Variants in AUTS2 observed in about 807,000 individuals in gnomAD.
AUTS2 encodes activator of transcription and developmental regulator AUTS2, also known as autism susceptibility gene 2 protein.
Under a neutral mutation model 112.4 loss-of-function variants are expected in AUTS2, and 17 were observed. That is an observed-to-expected ratio of 0.15 (90% confidence interval 0.10 to 0.23). The LOEUF (loss-of-function observed/expected upper bound fraction) is 0.23, where lower values mean the gene tolerates loss of function less well. Among genes scored for constraint, AUTS2 ranks in the 10% least tolerant of loss-of-function variants. The pLI is 1.00. For synonymous variants in AUTS2, 751 were observed against 702.7 expected (o/e 1.07, Z -1.09); for missense variants, 1,510 against 1,701.6 (o/e 0.89, Z 1.98).
At chr7:70,070,533 T>C (rs1257507059) in intron 2 of AUTS2, among the ~76,000 whole-genome samples, 1 of 144,770 alleles carries the variant, frequency 6.9e-6, no homozygotes, top group Non-Finnish European at 1.5e-5. Flanking sequence ...GAGCAGAGAT[T>C]GCGCCACTGC....
intron 2 of AUTS2, among the ~76,000 whole-genome samples, chr7:70,049,152 A>G (rs535950429): frequency 2.8e-4 from 42 of 152,292 alleles, no homozygotes; most frequent in Admixed American, 7.8e-4. Context: ...TGCATTATTT[A>G]ACCAGTTCCT....
intron 2 of AUTS2, among the ~76,000 whole-genome samples, chr7:70,004,356 T>A (rs1376982672): frequency 7.4e-6 from 1 of 134,678 alleles, no homozygotes; most frequent in African/African-American, 2.8e-5. Flanking sequence ...CATATATATA[T>A]TATGTATGAA....
intron 5 of AUTS2, among the ~76,000 whole-genome samples, chr7:70,480,472 A>G (rs1016418975): frequency 2.6e-4 from 39 of 152,230 alleles, no homozygotes; most frequent in African/African-American, 9.4e-4. Flanking sequence ...CTTAAGGCTC[A>G]TTCATTCCCA....
intron 13 of AUTS2, 64 bp from the exon 14 acceptor site, chr7:70,777,039 G>C (rs1790749539): frequency 5.9e-6 from 9 of 1,518,362 alleles, no homozygotes; most frequent in Non-Finnish European, 8.2e-6. Context: ...AAGCTTTGGG[G>C]AAATTGAAGG....
intron 4 of AUTS2, among the ~76,000 whole-genome samples, chr7:70,429,258 C>G (rs1460067152): frequency 6.6e-6 from 1 of 152,128 alleles, no homozygotes; most frequent in Non-Finnish European, 1.5e-5. Flanking sequence ...CTATTGTGTC[C>G]CAAGGCCTAG....
At chr7:70,701,192 T>G (rs960027277) in intron 6 of AUTS2, among the ~76,000 whole-genome samples, 1 of 152,162 alleles carries the variant, frequency 6.6e-6, no homozygotes, top group Non-Finnish European at 1.5e-5. Flanking sequence ...GCAGATTTGG[T>G]CCATAAAATT....
At chr7:69,681,261 A>G (rs1374312846) in intron 1 of AUTS2, among the ~76,000 whole-genome samples, 2 of 152,342 alleles carry the variant, frequency 1.3e-5, no homozygotes, top group Non-Finnish European at 2.9e-5. Context: ...CTTCTTCTGC[A>G]TATGTACCTG....
chr7:69,894,696 T>A (rs1361111185), intron 1 of AUTS2, among the ~76,000 whole-genome samples: 1 of 152,090 alleles, frequency 6.6e-6, no homozygotes, highest in Admixed American at 6.6e-5. Context: ...CCATCTCAGG[T>A]GTTTCTGGTG....
At chr7:70,677,849 C>T (rs886489749) in intron 5 of AUTS2, among the ~76,000 whole-genome samples, 3 of 151,784 alleles carry the variant, frequency 2.0e-5, no homozygotes, top group Non-Finnish European at 4.4e-5. Context: ...TTTGGGAGGC[C>T]GAGGCGGGTG....
chr7:69,681,105 A>G (rs1351319888), intron 1 of AUTS2, among the ~76,000 whole-genome samples: 4 of 152,246 alleles, frequency 2.6e-5, no homozygotes, highest in Admixed American at 6.5e-5. Context: ...TTAAGACTGA[A>G]TACTGTTCCA....
chr7:70,526,190 A>G (rs995033824), intron 5 of AUTS2, among the ~76,000 whole-genome samples: 6 of 152,138 alleles, frequency 3.9e-5, no homozygotes, highest in South Asian at 4.1e-4. Context: ...TCAGATCCCA[A>G]ATTCTCTCTG....
intron 2 of AUTS2, among the ~76,000 whole-genome samples, chr7:70,076,366 G>T (rs1803034673): frequency 6.6e-6 from 1 of 152,112 alleles, no homozygotes; most frequent in South Asian, 2.1e-4. Context: ...GATATATAAT[G>T]AAACTAATCT....
intron 5 of AUTS2, among the ~76,000 whole-genome samples, chr7:70,577,113 G>A (rs1023914343): frequency 6.6e-6 from 1 of 152,240 alleles, no homozygotes; most frequent in Non-Finnish European, 1.5e-5. Flanking sequence ...AGTGTGCTAT[G>A]TGTTGTTTTG....
chr7:70,074,581 C>A (rs866419042), intron 2 of AUTS2, among the ~76,000 whole-genome samples: 3 of 152,180 alleles, frequency 2.0e-5, no homozygotes, highest in Admixed American at 1.3e-4. Flanking sequence ...GTAGCTTACT[C>A]AAGTTATCCC....
At chr7:69,916,533 CAA>C (rs1183387469) in intron 2 of AUTS2, among the ~76,000 whole-genome samples, 1 of 152,172 alleles carries the variant, frequency 6.6e-6, no homozygotes, top group Admixed American at 6.5e-5. Context: ...AGATCATTCA[CAA>C]ACATTTCAAA....
At chr7:70,171,078 T>C (rs1284883795) in intron 4 of AUTS2, among the ~76,000 whole-genome samples, 1 of 152,222 alleles carries the variant, frequency 6.6e-6, no homozygotes, top group Non-Finnish European at 1.5e-5. Flanking sequence ...GTTCTGTAGT[T>C]ATTTGTATGT....
chr7:69,611,548 G>A lies in AUTS2; in HGVS notation c.309+11586G>A, dbSNP rs138732746. On this transcript the variant is annotated intron_variant, in intron 1 of 18. Coordinates refer to ENST00000342771, the MANE Select transcript of AUTS2 (RefSeq NM_015570.4). ...ATGTGATTCCAGAAATGGTTCCTGT[G>A]TTTAAAAGTAGTTTTACATATATCT... Among the ~76,000 whole-genome samples, 3 of 152,318 alleles carry A rather than the reference G, an allele frequency of 2.0e-5. No homozygotes were observed. The East Asian group carries it at 5.8e-4, about 29-fold the overall frequency.
intron 5 of AUTS2, among the ~76,000 whole-genome samples, chr7:70,672,501 G>A (rs1235337998): frequency 6.6e-6 from 1 of 152,220 alleles, no homozygotes; most frequent in Admixed American, 6.5e-5. Context: ...GCTCATAAAC[G>A]TTAAAGGCCA....
At chr7:69,650,153 T>G (rs1795228269) in intron 1 of AUTS2, among the ~76,000 whole-genome samples, 1 of 152,226 alleles carries the variant, frequency 6.6e-6, no homozygotes, top group Non-Finnish European at 1.5e-5. Flanking sequence ...TAAATTGGGC[T>G]ATTCCCATGC....
Sources: gnomAD v4.1 joint callset for allele counts (sites outside exome capture counted in the v4.1 genomes callset) on GRCh38, gnomAD v4.1.1 for gene constraint, MANE v1.5 for transcripts, NCBI Gene and HGNC (gene_info 2026-07-23, HGNC 2026-07-21) for gene names.